Variants in PCSK5 observed in about 807,000 individuals in gnomAD.
PCSK5 encodes proprotein convertase subtilisin/kexin type 5, also known as prohormone convertase 5.
Under a neutral mutation model 233.2 loss-of-function variants are expected in PCSK5, and 129 were observed. The observed-to-expected ratio is 0.55, with a 90% CI of 0.48 to 0.64. The LOEUF is 0.64. Among genes scored for constraint, PCSK5 ranks in the 30% least tolerant of loss-of-function variants. The pLI is 0.00. For synonymous variants in PCSK5, 825 were observed against 879.2 expected (o/e 0.94, Z 1.09); for missense variants, 2,076 against 2,430.1 (o/e 0.85, Z 3.06).
chr9:75,933,104 C>T (rs902681265), intron 2 of PCSK5, among the ~76,000 whole-genome samples: 1 of 152,142 alleles, frequency 6.6e-6, no homozygotes, highest in African/African-American at 2.4e-5. Context: ...TAGAAGCAAG[C>T]ATGCTATGCC....
intron 24 of PCSK5, among the ~76,000 whole-genome samples, chr9:76,254,826 T>C (rs1218620876): frequency 6.6e-6 from 1 of 152,224 alleles, no homozygotes; most frequent in African/African-American, 2.4e-5. Context: ...TGAATAAAGC[T>C]TGTTCTTTGC....
intron 20 of PCSK5, among the ~76,000 whole-genome samples, chr9:76,221,607 C>G (rs1825729412): frequency 6.6e-6 from 1 of 152,360 alleles, no homozygotes; most frequent in South Asian, 2.1e-4. Context: ...TACATCACTA[C>G]TACATTCAGG....
intron 10 of PCSK5, among the ~76,000 whole-genome samples, chr9:76,141,774 AT>A (rs1366156831): frequency 1.3e-5 from 2 of 152,184 alleles, no homozygotes; most frequent in African/African-American, 4.8e-5. Flanking sequence ...CATCTGTGTC[AT>A]TAAGTAAGTC....
chr9:76,315,642 CT>C (rs34118608), intron 30 of PCSK5, among the ~76,000 whole-genome samples: 3,546 of 114,542 alleles, frequency 0.031, 28 homozygotes, highest in Middle Eastern at 0.037. Context: ...GAGAAGACTA[CT>C]TTTTTTTTTT....
upstream of PCSK5, among the ~76,000 whole-genome samples, chr9:75,890,325 G>A (rs556386613): frequency 6.6e-6 from 1 of 152,354 alleles, no homozygotes; most frequent in South Asian, 2.1e-4. Context: ...CGTTTAGAAC[G>A]AGGATGAATG....
At chr9:76,034,902 C>T (rs1049743461) in intron 5 of PCSK5, among the ~76,000 whole-genome samples, 5 of 152,114 alleles carry the variant, frequency 3.3e-5, no homozygotes, top group Admixed American at 6.5e-5. Flanking sequence ...AAAATGTGTC[C>T]GAATTGAAGT....
At chr9:76,137,557 G>C (rs1823037658) in intron 10 of PCSK5, among the ~76,000 whole-genome samples, 1 of 152,060 alleles carries the variant, frequency 6.6e-6, no homozygotes, top group Non-Finnish European at 1.5e-5. Flanking sequence ...CATACCTATG[G>C]AAACTGACTA....
intron 7 of PCSK5, among the ~76,000 whole-genome samples, chr9:76,086,173 CT>C: frequency 6.6e-6 from 1 of 152,174 alleles, no homozygotes; most frequent in Non-Finnish European, 1.5e-5. Context: ...GTTGTAAAAA[CT>C]TTTGGCAGGT....
chr9:76,019,113 G>A (rs1201037634), intron 3 of PCSK5, among the ~76,000 whole-genome samples: 2 of 152,102 alleles, frequency 1.3e-5, no homozygotes, highest in Non-Finnish European at 2.9e-5. Flanking sequence ...TTCTTTATCT[G>A]TTAAAAGCAA....
At position 76,292,269 on chromosome 9, in the gene PCSK5, A is replaced by G. The variant is rs1365828961; in HGVS notation, c.3179A>G (p.Tyr1060Cys). 1.9e-6 allele frequency: 3 copies of G among 1,572,854 alleles called. No individual in the cohort carries two copies. Among genetic ancestry groups the G allele is most frequent in the Admixed American group, 3.3e-5 (2 of 59,872 alleles). Residue 1060 changes from tyrosine to cysteine, a missense_variant, in exon 25 of 38, where the codon TAT (tyrosine) becomes TGT (cysteine). Tyr to Cys is a radical substitution (Grantham distance 194). Coordinates refer to ENST00000674117, the MANE Select transcript of PCSK5 (RefSeq NM_001372043.1). ...ACATGTACATCTTGCGCTATGGGGT[A>G]TTACAGGTAAGTCTGGTCTTCCTTT... ...PGTCTSCAMG[Y>C]YRFDHHCYKT...
At chr9:76,036,741 T>C (rs1253054679) in intron 5 of PCSK5, among the ~76,000 whole-genome samples, 3 of 152,244 alleles carry the variant, frequency 2.0e-5, no homozygotes, top group East Asian at 1.9e-4. Flanking sequence ...CGTCACTGAA[T>C]GGCGGAATCG....
chr9:76,331,438 T>A (rs899753838), intron 33 of PCSK5, among the ~76,000 whole-genome samples: 1 of 151,486 alleles, frequency 6.6e-6, no homozygotes, highest in African/African-American at 2.4e-5. Context: ...GAGGCCGAGG[T>A]GGGCGGATCA....
chr9:76,095,205 G>C (rs2131648008), intron 7 of PCSK5, among the ~76,000 whole-genome samples: 1 of 152,230 alleles, frequency 6.6e-6, no homozygotes, highest in East Asian at 1.9e-4. Context: ...TCAGTAATTA[G>C]TGTCTACACC....
chr9:76,000,456 GTTC>G (rs1302713297), intron 3 of PCSK5, among the ~76,000 whole-genome samples: 2 of 152,076 alleles, frequency 1.3e-5, no homozygotes, highest in African/African-American at 4.8e-5. Context: ...CCTTATAAGT[GTTC>G]ATTGAGGTTT....
chr9:76,312,251 C>G (rs2131441373), intron 30 of PCSK5, among the ~76,000 whole-genome samples: 1 of 152,306 alleles, frequency 6.6e-6, no homozygotes, highest in Middle Eastern at 3.4e-3. Context: ...TGGCTCACGC[C>G]TGTAATCACA....
chr9:76,337,450 A>T (rs1327915485), intron 34 of PCSK5, among the ~76,000 whole-genome samples: 1 of 152,100 alleles, frequency 6.6e-6, no homozygotes, highest in Non-Finnish European at 1.5e-5. Context: ...CTGGGATTAC[A>T]GGTGTAAGCC....
At chr9:76,222,869 T>C (rs1039760348) in intron 20 of PCSK5, among the ~76,000 whole-genome samples, 14 of 152,228 alleles carry the variant, frequency 9.2e-5, no homozygotes, top group African/African-American at 3.4e-4. Flanking sequence ...AACATATAGA[T>C]GTTTTTAATA....
chr9:76,108,042 A>G (rs908282987), intron 9 of PCSK5, among the ~76,000 whole-genome samples: 1 of 152,274 alleles, frequency 6.6e-6, no homozygotes, highest in Admixed American at 6.5e-5. Flanking sequence ...ATTTAACACT[A>G]GAATTCATTT....
chr9:76,007,140 C>T (rs190808531), intron 3 of PCSK5, among the ~76,000 whole-genome samples: 346 of 152,208 alleles, frequency 2.3e-3, no homozygotes, highest in African/African-American at 8.1e-3. Context: ...TATAATTTAG[C>T]GTTCAGTTTA....
Sources: gnomAD v4.1 joint callset for allele counts (sites outside exome capture counted in the v4.1 genomes callset) on GRCh38, gnomAD v4.1.1 for gene constraint, MANE v1.5 for transcripts, NCBI Gene and HGNC (gene_info 2026-07-23, HGNC 2026-07-21) for gene names.